Variants in ADCY2 observed in about 807,000 individuals in gnomAD.
The protein encoded by ADCY2 is adenylate cyclase type 2.
A neutral mutation model predicts 125.2 loss-of-function variants in ADCY2; 31 were observed. That is an observed-to-expected ratio of 0.25 (90% CI 0.19 to 0.33). The LOEUF (loss-of-function observed/expected upper bound fraction) is 0.33, where lower values mean the gene tolerates loss of function less well. Among genes scored for constraint, ADCY2 ranks in the 10% least tolerant of loss-of-function variants. The pLI is 1.00. For missense variants in ADCY2, 904 were observed against 1,418.2 expected, an observed-to-expected ratio of 0.64 and a Z score of 5.82; for synonymous variants, 512 against 548.4, an observed-to-expected ratio of 0.93 and a Z score of 0.93.
chr5:7,711,289 C>T (rs1741432695), intron 10 of ADCY2, among the ~76,000 whole-genome samples: 1 of 152,118 alleles, frequency 6.6e-6, no homozygotes, highest in African/African-American at 2.4e-5. Flanking sequence ...CCTAGGACTC[C>T]AGTATCCAAC....
intron 2 of ADCY2, among the ~76,000 whole-genome samples, chr5:7,489,283 C>T (rs56339783): frequency 2.8e-4 from 43 of 152,262 alleles, no homozygotes; most frequent in African/African-American, 8.9e-4. Context: ...AGGTGGCACT[C>T]GCCAATCCAG....
intron 17 of ADCY2, among the ~76,000 whole-genome samples, chr5:7,772,125 C>G (rs901600549): frequency 2.0e-5 from 3 of 152,120 alleles, no homozygotes; most frequent in African/African-American, 7.2e-5. Context: ...CAGTGTCATG[C>G]GGACACTGTG....
intron 2 of ADCY2, among the ~76,000 whole-genome samples, chr5:7,438,462 G>T (rs533258370): frequency 6.6e-6 from 1 of 152,322 alleles, no homozygotes; most frequent in East Asian, 1.9e-4. Context: ...GAGGGAGACT[G>T]CAGTGCTGGG....
chr5:7,680,551 T>C (rs1209805949), intron 4 of ADCY2, among the ~76,000 whole-genome samples: 1 of 152,242 alleles, frequency 6.6e-6, no homozygotes, highest in Non-Finnish European at 1.5e-5. Context: ...TACATCTGAC[T>C]GACCAGGCTC....
At chr5:7,643,009 A>G (rs1451374236) in intron 4 of ADCY2, among the ~76,000 whole-genome samples, 1 of 152,022 alleles carries the variant, frequency 6.6e-6, no homozygotes, top group Non-Finnish European at 1.5e-5. Flanking sequence ...ACTCTTCAGT[A>G]TATTTTTCTA....
chr5:7,622,706 G>T (rs749230943), intron 3 of ADCY2, among the ~76,000 whole-genome samples: 38 of 152,202 alleles, frequency 2.5e-4, no homozygotes, highest in Non-Finnish European at 5.3e-4. Flanking sequence ...TTGCTCTCCA[G>T]GGGGCCTCCT....
chr5:7,653,376 T>C (rs903475993), intron 4 of ADCY2, among the ~76,000 whole-genome samples: 1 of 152,150 alleles, frequency 6.6e-6, no homozygotes, highest in Non-Finnish European at 1.5e-5. Flanking sequence ...CATGCTGCAG[T>C]GTTAGGGAGG....
At chr5:7,556,175 A>T (rs1436945588) in intron 3 of ADCY2, among the ~76,000 whole-genome samples, 1 of 152,198 alleles carries the variant, frequency 6.6e-6, no homozygotes, top group East Asian at 1.9e-4. Context: ...TATTCTAAAT[A>T]ATTCTGTAAT....
At chr5:7,691,980 A>C in intron 5 of ADCY2, 1 of 152,496 alleles carries the variant, frequency 6.6e-6, no homozygotes, top group South Asian at 2.1e-4. Context: ...GTGAGAGCTC[A>C]CTCACTATCA....
intron 4 of ADCY2, 135 bp downstream of exon 4, chr5:7,626,451 TG>T: frequency 9.9e-7 from 1 of 1,008,024 alleles, no homozygotes; most frequent in Non-Finnish European, 1.4e-6. Flanking sequence ...GCTCTGCACC[TG>T]GGGAGTGTCT....
chr5:7,556,318 A>G (rs1735505734), intron 3 of ADCY2, among the ~76,000 whole-genome samples: 1 of 152,230 alleles, frequency 6.6e-6, no homozygotes, highest in African/African-American at 2.4e-5. Flanking sequence ...ATAAATAAAA[A>G]ATAGTTGCAG....
rs755974474 is a variant in ADCY2 at position 7,707,707 on chromosome 5, C to T, written c.1270C>T (p.Arg424Cys). ...TGTGATTTTAAAATGCAATTTCAGACGTGTTCACATTTCTTCTGTCACCCT... is the reference window on the plus strand; with the variant it reads ...TGTGATTTTAAAATGCAATTTCAGATGTGTTCACATTTCTTCTGTCACCCT... ...NHMEAGGVPG[R>C]VHISSVTLEH... Residue 424 changes from arginine (R) to cysteine (C), a missense_variant and splice_region_variant, in exon 9 of 25, where the codon CGT (arginine) becomes TGT (cysteine). By Grantham distance (180) the Arg-to-Cys change is radical. Around this residue, in one of 7 missense-constraint regions of ADCY2, gnomAD observed 144 missense variants for 227.7 expected, o/e 0.63. Transcript: ENST00000338316. 1.9e-6 allele frequency: 3 copies of T among 1,613,650 alleles called. No homozygotes were observed. The highest frequency in any genetic ancestry group is 2.5e-6 in the Non-Finnish European group (3 of 1,179,858).
At chr5:7,414,531 C>T (rs767317441) in intron 1 of ADCY2, 42 bp from the exon 2 acceptor site, 12 of 1,528,516 alleles carry the variant, frequency 7.9e-6, no homozygotes, top group African/African-American at 2.8e-5. Context: ...ATCACAGTGT[C>T]TCTAAATGGT....
At position 7,460,833 on chromosome 5, in the gene ADCY2, G is replaced by A. The variant is rs190023732; in HGVS notation, c.408+46063G>A. Among the ~76,000 whole-genome samples the A allele has an allele frequency of 1.1e-4, 16 of 152,316 alleles. No homozygotes were observed. In the East Asian group the frequency reaches 2.3e-3, roughly 22 times the overall value. On this transcript the variant is annotated intron_variant, in intron 2 of 24. Transcript: ENST00000338316. ...GACACAACCTTGCAAGTAGTTGGACGTGGTGATGGGAGTGGCCTGGAATAG... is the reference window on the plus strand; with the variant it reads ...GACACAACCTTGCAAGTAGTTGGACATGGTGATGGGAGTGGCCTGGAATAG...
At chr5:7,612,587 T>G (rs1335452563) in intron 3 of ADCY2, among the ~76,000 whole-genome samples, 1 of 152,182 alleles carries the variant, frequency 6.6e-6, no homozygotes, top group Non-Finnish European at 1.5e-5. Flanking sequence ...AGTCATTGAC[T>G]ATATGAGGGA....
chr5:7,521,242 T>G (rs2126533226), intron 3 of ADCY2, among the ~76,000 whole-genome samples: 1 of 152,358 alleles, frequency 6.6e-6, no homozygotes, highest in Non-Finnish European at 1.5e-5. Flanking sequence ...GTGAAGTAAC[T>G]TATACGATTA....
intron 3 of ADCY2, among the ~76,000 whole-genome samples, chr5:7,553,523 C>G (rs1396853704): frequency 6.6e-6 from 1 of 152,206 alleles, no homozygotes; most frequent in Non-Finnish European, 1.5e-5. Context: ...AGTGGGCAGA[C>G]TACAAAACAA....
At chr5:7,513,656 T>C (rs1426102105) in intron 2 of ADCY2, among the ~76,000 whole-genome samples, 5 of 152,198 alleles carry the variant, frequency 3.3e-5, no homozygotes, top group Non-Finnish European at 7.3e-5. Flanking sequence ...TAAATTTCCT[T>C]GGACTATTTT....
chr5:7,427,566 A>C (rs1740431924), intron 2 of ADCY2, among the ~76,000 whole-genome samples: 1 of 152,056 alleles, frequency 6.6e-6, no homozygotes, highest in Admixed American at 6.5e-5. Context: ...CTCCCACAAC[A>C]CGTAGGGATT....
Sources: allele counts gnomAD v4.1 joint callset (sites outside exome capture counted in the v4.1 genomes callset), GRCh38; gene constraint gnomAD v4.1.1; regional missense constraint gnomAD v4.1.1; transcripts MANE v1.5; gene names NCBI Gene and HGNC (gene_info 2026-07-23, HGNC 2026-07-21).